Variants in PTK2 observed in about 807,000 individuals in gnomAD.
PTK2 encodes the protein protein tyrosine kinase 2.
Under a neutral mutation model 150.1 loss-of-function variants are expected in PTK2, and 45 were observed. The observed-to-expected ratio is 0.30, with a 90% CI of 0.24 to 0.38. PTK2 has a LOEUF of 0.38. Ranked by LOEUF, PTK2 falls within the 10% of genes least tolerant of loss-of-function variation. The probability of loss-of-function intolerance (pLI) is 1.00; values close to 1 mark genes in which losing one functional copy is unlikely to be tolerated. For synonymous variants in PTK2, 432 were observed against 449.2 expected (o/e 0.96, Z 0.48); for missense variants, 919 against 1,307.3 (o/e 0.70, Z 4.58).
In PTK2 at chr8:140,818,877, T is replaced by C. The variant is rs751711189; in HGVS notation, c.789+3A>G. ...CCACTATTTCCCATATTCCCATACTTACACCAAGAGCACACTTGAAGCATT... is the reference window on the plus strand; with the variant it reads ...CCACTATTTCCCATATTCCCATACTCACACCAAGAGCACACTTGAAGCATT... On this transcript the variant is annotated splice_donor_region_variant and intron_variant, in intron 9 of 31. Coordinates refer to ENST00000522684, the Ensembl canonical transcript of PTK2. The C allele has an allele frequency of 3.1e-6, 5 of 1,612,718 alleles. No homozygotes were observed. The East Asian group carries it at 8.9e-5, about 29-fold the overall frequency.
At chr8:140,824,210 A>T (rs936704558) in intron 8 of PTK2, among the ~76,000 whole-genome samples, 1 of 152,224 alleles carries the variant, frequency 6.6e-6, no homozygotes, top group African/African-American at 2.4e-5. Context: ...TAACTGGGGC[A>T]AATGTGTTTG....
At chr8:140,672,236 G>A (rs1052186665) in intron 29 of PTK2, 23 of 414,726 alleles carry the variant, frequency 5.5e-5, no homozygotes, top group African/African-American at 2.5e-4. Context: ...ACTATGTTGC[G>A]CAGGCCAGAT....
chr8:140,733,528 C>T (rs1349947375), intron 22 of PTK2, among the ~76,000 whole-genome samples: 1 of 152,098 alleles, frequency 6.6e-6, no homozygotes, highest in African/African-American at 2.4e-5. Flanking sequence ...GGTGATAGAA[C>T]TGGTATCAGA....
chr8:140,679,244 T>C (rs1439373779), intron 27 of PTK2, among the ~76,000 whole-genome samples: 5 of 151,746 alleles, frequency 3.3e-5, no homozygotes, highest in Non-Finnish European at 5.9e-5. Context: ...AGGCTGGTCT[T>C]GAACTCCTGA....
rs138793526 is a variant in PTK2, at chr8:140,794,393, C to T, written c.1094-1009G>A. Among the ~76,000 whole-genome samples, 39 of 152,292 alleles carry T rather than the reference C, an allele frequency of 2.6e-4. No individual in the cohort carries two copies. In the South Asian group the frequency reaches 7.9e-3, roughly 31 times the overall value. Reference sequence around the variant, plus strand: ...CCATCTACCACTCACCACTCTGGTGCCCTTCTAGGCAGCTCCTTGGTAACA... The same window carrying T: ...CCATCTACCACTCACCACTCTGGTGTCCTTCTAGGCAGCTCCTTGGTAACA... On this transcript the variant is annotated intron_variant, in intron 12 of 31. Coordinates refer to ENST00000522684, the Ensembl canonical transcript of PTK2.
rs770574411 is a variant in PTK2, at chr8:140,701,010, A to G, written c.2380T>C (p.Leu794=). The G allele has an allele frequency of 5.6e-6, 9 of 1,613,782 alleles. No individual in the cohort carries two copies. The South Asian group carries it at 6.6e-5, about 12-fold the overall frequency. ...ACTTGCCCAATCCCTCGCAGGTCCAATACTGTAGAGTCCTGGAAGAAGGGT... is the reference window on the plus strand; with the variant it reads ...ACTTGCCCAATCCCTCGCAGGTCCAGTACTGTAGAGTCCTGGAAGAAGGGT... The change falls in exon 26 of 32, where the codon TTG becomes CTG. Residue 794 remains leucine, a synonymous_variant. Coordinates refer to ENST00000522684, the Ensembl canonical transcript of PTK2.
intron 1 of PTK2, among the ~76,000 whole-genome samples, chr8:140,982,747 T>C (rs1229771663): frequency 1.3e-5 from 2 of 152,144 alleles, no homozygotes; most frequent in South Asian, 2.1e-4. Context: ...TTAGCAGGAG[T>C]TGTCCAATGT....
In PTK2 at chr8:140,799,586, G is replaced by A. The variant is rs148289779; in HGVS notation, c.1093+873C>T. Among the ~76,000 whole-genome samples the A allele has an allele frequency of 4.5e-3, 679 of 152,288 alleles. 4 individuals carry two copies. Among genetic ancestry groups the A allele is most frequent in the African/African-American group, 0.015 (644 of 41,550 alleles). On this transcript the variant is annotated intron_variant, in intron 12 of 31. Transcript: ENST00000522684. ...GATGAGGTATCTCAAAGTCTAGGCTGATACAGTGTCAAGATCAGACTCAAC... is the reference window on the plus strand; with the variant it reads ...GATGAGGTATCTCAAAGTCTAGGCTAATACAGTGTCAAGATCAGACTCAAC...
intron 12 of PTK2, among the ~76,000 whole-genome samples, chr8:140,799,626 G>C (rs752839036): frequency 6.6e-6 from 1 of 152,130 alleles, no homozygotes; most frequent in Non-Finnish European, 1.5e-5. Context: ...AGCAACAACA[G>C]GAACAACAAT....
At chr8:140,824,703 C>T (rs2100110838) in intron 8 of PTK2, among the ~76,000 whole-genome samples, 1 of 152,116 alleles carries the variant, frequency 6.6e-6, no homozygotes, top group Non-Finnish European at 1.5e-5. Flanking sequence ...CAGTGGGGAA[C>T]AAAATTCCAC....
intron 27 of PTK2, among the ~76,000 whole-genome samples, chr8:140,679,003 G>GTTTTTTTTTTTTTTTTTTTTTTTTTTTT (rs533089786): frequency 1.4e-5 from 1 of 68,988 alleles, no homozygotes; most frequent in Non-Finnish European, 2.5e-5. Context: ...TGCTCCCCAT[G>GTTTTTTTTTTTTTTTTTTTTTTTTTTTT]TTTTTTTTTT....
At chr8:140,784,206 T>C (rs2100083553) in intron 14 of PTK2, among the ~76,000 whole-genome samples, 1 of 152,180 alleles carries the variant, frequency 6.6e-6, no homozygotes, top group South Asian at 2.1e-4. Context: ...ATGAAGGGCT[T>C]AGAGACAATC....
rs531452333 is a variant in PTK2, at chr8:140,880,616, C to T, written c.196-979G>A. On this transcript the variant is annotated intron_variant, in intron 3 of 31. Coordinates refer to ENST00000522684, the Ensembl canonical transcript of PTK2. Reference sequence around the variant, plus strand: ...TGTCTATGAAAGAAAATAATCACTGCTTTTTAAAATTAGCAATTAATTGAA... The same window carrying T: ...TGTCTATGAAAGAAAATAATCACTGTTTTTTAAAATTAGCAATTAATTGAA... Among the ~76,000 whole-genome samples, 4 of 152,188 alleles carry T rather than the reference C, an allele frequency of 2.6e-5. No individual in the cohort carries two copies. In the South Asian group the frequency reaches 6.2e-4, roughly 24 times the overall value.
At chr8:140,725,574 T>G (rs1262153219) in intron 22 of PTK2, among the ~76,000 whole-genome samples, 1 of 152,146 alleles carries the variant, frequency 6.6e-6, no homozygotes, top group African/African-American at 2.4e-5. Context: ...GGAGCAATTA[T>G]AGCTAGCAAA....
chr8:140,701,471 T>G (rs2100030418), intron 25 of PTK2, among the ~76,000 whole-genome samples: 2 of 152,190 alleles, frequency 1.3e-5, no homozygotes, highest in African/African-American at 2.4e-5. Context: ...CTTGCTATGT[T>G]GCCCAGGCTG....
At chr8:140,890,750 T>C (rs763635405) in exon 3 of PTK2, 1 of 1,614,168 alleles carries the variant, frequency 6.2e-7, no homozygotes, top group Admixed American at 1.7e-5. Flanking sequence ...TTTTGCTAGA[T>C]GCTAGGTATC....
At chr8:140,773,926 C>A (rs1441407409) in intron 14 of PTK2, among the ~76,000 whole-genome samples, 1 of 152,014 alleles carries the variant, frequency 6.6e-6, no homozygotes, top group Non-Finnish European at 1.5e-5. Flanking sequence ...TGACTGAAGC[C>A]CCATACTCCT....
At position 140,949,904 on chromosome 8, in the gene PTK2, T is replaced by C. The variant is rs149705262; in HGVS notation, c.-121-24155A>G. ...CCTGGAGTGAGAACTTATGGTGCTTTTTCCGGGCCTGCCCATGGCCCAATC... is the reference window on the plus strand; with the variant it reads ...CCTGGAGTGAGAACTTATGGTGCTTCTTCCGGGCCTGCCCATGGCCCAATC... On this transcript the variant is annotated intron_variant, in intron 1 of 31. Transcript: ENST00000522684. 5.3e-5 allele frequency among the ~76,000 whole-genome samples: 8 copies of C among 152,274 alleles called. No homozygotes were observed. In the East Asian group the frequency reaches 1.5e-3, roughly 29 times the overall value.
intron 7 of PTK2, among the ~76,000 whole-genome samples, chr8:140,840,634 T>A (rs2100121788): frequency 6.6e-6 from 1 of 152,120 alleles, no homozygotes; most frequent in South Asian, 2.1e-4. Context: ...TGTTTATAAA[T>A]TTCAACGTAA....
Sources: allele counts gnomAD v4.1 joint callset (sites outside exome capture counted in the v4.1 genomes callset), GRCh38; gene constraint gnomAD v4.1.1; transcripts MANE v1.5; gene names NCBI Gene and HGNC (gene_info 2026-07-23, HGNC 2026-07-21).